DTWD2: variants seen among roughly 807,000 people sequenced by gnomAD.
The protein encoded by DTWD2 is DTW motif tRNA-uridine aminocarboxypropyltransferase 2.
Under a neutral mutation model 31.8 loss-of-function variants are expected in DTWD2, and 39 were observed. The observed-to-expected ratio is 1.22, with a 90% confidence interval of 0.95 to 1.60. The LOEUF (loss-of-function observed/expected upper bound fraction) is 1.60, where lower values mean the gene tolerates loss of function less well. Ranked by LOEUF, DTWD2 falls within the 40% of genes most tolerant of loss-of-function variation. The pLI is 0.00. For missense variants in DTWD2, 515 were observed against 381.5 expected, an observed-to-expected ratio of 1.35 and a Z score of -2.92; for synonymous variants, 180 against 142.8, an observed-to-expected ratio of 1.26 and a Z score of -1.86.
intron 5 of DTWD2, among the ~76,000 whole-genome samples, chr5:118,845,943 G>C (rs1436149874): frequency 6.6e-6 from 1 of 151,916 alleles, no homozygotes; most frequent in Non-Finnish European, 1.5e-5. Flanking sequence ...TAAATGCCTC[G>C]GGTTATATAA....
intron 4 of DTWD2, among the ~76,000 whole-genome samples, chr5:118,885,414 T>C (rs1050318313): frequency 7.5e-6 from 1 of 132,600 alleles, no homozygotes; most frequent in African/African-American, 3.0e-5. Flanking sequence ...ATCGAGCCAC[T>C]GCACTGCACT....
At chr5:118,985,490 T>TTATATATACATATATA (rs1554072600) in intron 1 of DTWD2, among the ~76,000 whole-genome samples, 1 of 95,418 alleles carries the variant, frequency 1.0e-5, no homozygotes, top group Non-Finnish European at 2.2e-5. Context: ...ATGTGCATTT[T>TTATATATACATATATA]TATATATATA....
In DTWD2 at chr5:118,928,738, G is replaced by C. The variant is rs755243819; in HGVS notation, c.405-9C>G. 3.3e-6 allele frequency: 5 copies of C among 1,519,522 alleles called. No individual in the cohort carries two copies. The highest frequency in any genetic ancestry group is 4.4e-6 in the Non-Finnish European group (5 of 1,136,330). 94.1% of individuals were successfully genotyped at this position (1,519,522 alleles called of 1,614,324 possible). On this transcript the variant is annotated splice_polypyrimidine_tract_variant and intron_variant, in intron 3 of 5. Transcript: ENST00000510708. ...TTGAAAGTTCAGGATCTCTGAAAAA[G>C]TTTTTTAAAAATATATCTTTATTAG...
rs1054329067 is a variant in DTWD2 at position 118,867,036 on chromosome 5, G to GA, written c.598-18819dup. Among the ~76,000 whole-genome samples, 20 of 151,992 alleles carry GA rather than the reference G, an allele frequency of 1.3e-4. No homozygotes were observed. The South Asian group carries it at 2.5e-3, about 19-fold the overall frequency. The stretch of plus-strand genomic sequence containing the variant: ...AGAGTTGAAAAGACATTTTTAGGCT[G>GA]AAAAAAACAGGAAAATTCTGACAAA... On this transcript the variant is annotated intron_variant, in intron 4 of 5. Transcript: ENST00000510708.
intron 4 of DTWD2, among the ~76,000 whole-genome samples, chr5:118,907,435 T>C (rs938531197): frequency 2.6e-5 from 4 of 152,120 alleles, no homozygotes; most frequent in Admixed American, 2.6e-4. Context: ...AGCCAGCAGG[T>C]TCAAGACCCA....
intron 1 of DTWD2, among the ~76,000 whole-genome samples, chr5:118,961,139 G>A (rs1429732922): frequency 3.9e-5 from 6 of 152,156 alleles, no homozygotes; most frequent in South Asian, 2.1e-4. Flanking sequence ...CAGATGCCTA[G>A]AGAACAAACG....
intron 1 of DTWD2, among the ~76,000 whole-genome samples, chr5:118,957,120 A>G (rs146475805): frequency 1.1e-3 from 175 of 152,300 alleles, no homozygotes; most frequent in Non-Finnish European, 1.8e-3. Context: ...AGTACAAATA[A>G]CAATAATATT....
At chr5:118,929,763 G>C (rs1753882878) in intron 3 of DTWD2, among the ~76,000 whole-genome samples, 1 of 152,156 alleles carries the variant, frequency 6.6e-6, no homozygotes, top group African/African-American at 2.4e-5. Flanking sequence ...AAAAGCTGTT[G>C]CATCTGTAGA....
At chr5:118,882,884 T>G (rs1214301314) in intron 4 of DTWD2, among the ~76,000 whole-genome samples, 2 of 152,256 alleles carry the variant, frequency 1.3e-5, no homozygotes, top group Non-Finnish European at 2.9e-5. Flanking sequence ...CCCCATTGTC[T>G]TGCCTACTAA....
At chr5:118,934,904 T>C (rs1230300287) in intron 3 of DTWD2, among the ~76,000 whole-genome samples, 1 of 152,112 alleles carries the variant, frequency 6.6e-6, no homozygotes, top group African/African-American at 2.4e-5. Flanking sequence ...TATTGTGAAA[T>C]ATATATTTGG....
At chr5:118,882,358 A>G (rs1009025850) in intron 4 of DTWD2, among the ~76,000 whole-genome samples, 7 of 152,174 alleles carry the variant, frequency 4.6e-5, no homozygotes, top group African/African-American at 1.4e-4. Flanking sequence ...ATGGGCTGGC[A>G]TTGAGTATCT....
chr5:118,856,145 CA>C (rs955563651), intron 4 of DTWD2, among the ~76,000 whole-genome samples: 9 of 152,140 alleles, frequency 5.9e-5, no homozygotes, highest in African/African-American at 2.2e-4. Flanking sequence ...TAATAAACCC[CA>C]CCTTTTCTGA....
chr5:118,947,297 C>T (rs1027438207), intron 1 of DTWD2, among the ~76,000 whole-genome samples: 13 of 152,040 alleles, frequency 8.6e-5, no homozygotes, highest in Non-Finnish European at 1.9e-4. Context: ...TCTTGTTCGG[C>T]GTCCAGTAAA....
At chr5:118,899,799 C>CTTTTTTTTTT (rs1163738328) in intron 4 of DTWD2, among the ~76,000 whole-genome samples, 1 of 124,940 alleles carries the variant, frequency 8.0e-6, no homozygotes, top group Non-Finnish European at 1.7e-5. Context: ...TTCGTTTTTT[C>CTTTTTTTTTT]TTTTTTTTTT....
At chr5:118,920,163 T>C (rs2149574847) in intron 4 of DTWD2, among the ~76,000 whole-genome samples, 1 of 152,238 alleles carries the variant, frequency 6.6e-6, no homozygotes, top group East Asian at 1.9e-4. Flanking sequence ...CAGTCTTTGG[T>C]ATTTTGTTGT....
At chr5:118,955,072 AAC>A (rs1754554622) in intron 1 of DTWD2, among the ~76,000 whole-genome samples, 1 of 152,230 alleles carries the variant, frequency 6.6e-6, no homozygotes, top group Admixed American at 6.5e-5. Flanking sequence ...TACTGAAGAA[AAC>A]AGTTACTAAA....
rs1379811369 is a variant in DTWD2, at chr5:118,839,582, A to C, written c.*1335T>G. On this transcript the variant is annotated 3_prime_UTR_variant, in exon 6 of 6. Transcript: ENST00000510708. ...TCACCATATTGCCCAGGCTGGTCTCAAACTCCTGGGCTCAAGCAATTCTCA... is the reference window on the plus strand; with the variant it reads ...TCACCATATTGCCCAGGCTGGTCTCCAACTCCTGGGCTCAAGCAATTCTCA... The C allele has an allele frequency of 6.6e-6, 1 of 152,048 alleles. No individual in the cohort carries two copies. The highest frequency in any genetic ancestry group is 6.6e-5 in the Admixed American group (1 of 15,256). The allele number at this position is 152,048 out of a possible 1,614,324, so 9.4% of individuals were successfully genotyped here.
chr5:118,973,617 TCGCGGCAGCCTCCTTGCTC>T (rs2149599780), intron 1 of DTWD2, among the ~76,000 whole-genome samples: 1 of 23,450 alleles, frequency 4.3e-5, no homozygotes, highest in East Asian at 0.083. Context: ...GCCTCCTTGC[TCGCGGCAGCCTCCTTGCTC>T]GCGGCAGCCT....
At chr5:118,959,519 T>G (rs765492605) in intron 1 of DTWD2, among the ~76,000 whole-genome samples, 1 of 152,160 alleles carries the variant, frequency 6.6e-6, no homozygotes, top group East Asian at 1.9e-4. Context: ...AAAATGACCA[T>G]ATTACCCAAA....
Sources: allele counts gnomAD v4.1 joint callset (sites outside exome capture counted in the v4.1 genomes callset), GRCh38; gene constraint gnomAD v4.1.1; transcripts MANE v1.5; gene names NCBI Gene and HGNC (gene_info 2026-07-23, HGNC 2026-07-21).